Variants in MAPT observed in about 807,000 individuals in gnomAD.
MAPT encodes microtubule-associated protein tau.
In MAPT, 34 loss-of-function variants were observed where a neutral mutation model predicts 67.9. The ratio of observed to expected loss-of-function variants is 0.50; its 90% CI spans 0.38 to 0.67. The LOEUF (loss-of-function observed/expected upper bound fraction) is 0.67. MAPT is among the 30% of genes least tolerant of loss of function. The pLI is 0.00. For missense variants in MAPT, 881 were observed against 1,115.2 expected (o/e 0.79, Z 2.99); for synonymous variants, 456 against 464.5 (o/e 0.98, Z 0.23).
intron 1 of MAPT, among the ~76,000 whole-genome samples, chr17:45,949,871 A>G (rs1373033519): frequency 1.3e-5 from 2 of 152,182 alleles, no homozygotes; most frequent in East Asian, 1.9e-4. Context: ...TTGCAGCAAG[A>G]AACAGCCCCA....
At chr17:45,900,411 G>A (rs1203760479) in intron 1 of MAPT, among the ~76,000 whole-genome samples, 1 of 152,190 alleles carries the variant, frequency 6.6e-6, no homozygotes, top group East Asian at 1.9e-4. Flanking sequence ...GGGTTCTCCA[G>A]TTAGGAAACT....
intron 2 of MAPT, among the ~76,000 whole-genome samples, chr17:45,969,519 T>C (rs1259526154): frequency 6.7e-6 from 1 of 150,368 alleles, no homozygotes; most frequent in Non-Finnish European, 1.5e-5. Flanking sequence ...ATCATATATC[T>C]GTACATAATC....
At chr17:45,956,594 A>T (rs1321759086) in intron 1 of MAPT, among the ~76,000 whole-genome samples, 507 of 14,642 alleles carry the variant, frequency 0.035, 9 homozygotes, top group Middle Eastern at 0.071. Context: ...ATATATATAT[A>T]TATATATTTT....
Position 45,971,945 on chromosome 17 carries a change from G to A in MAPT, c.220G>A (p.Ala74Thr). The A allele has an allele frequency of 1.2e-6, 2 of 1,613,908 alleles. No homozygotes were observed. Among genetic ancestry groups the A allele is most frequent in the Non-Finnish European group, 1.7e-6 (2 of 1,179,862 alleles). ...SDAKSTPTAE[A>T]EEAGIGDTPS... ...TGCTAAGAGCACTCCAACAGCGGAAGGTGGGCCCCCCTTCAGACGCCCCCT... is the reference window on the plus strand; with the variant it reads ...TGCTAAGAGCACTCCAACAGCGGAAAGTGGGCCCCCCTTCAGACGCCCCCT... The change falls in exon 3 of 13, where the codon GCT (alanine) becomes ACT (threonine). Residue 74 changes from alanine (A) to threonine (T), a missense_variant and splice_region_variant. Coordinates refer to ENST00000262410, the MANE Select transcript of MAPT (RefSeq NM_001377265.1). The surrounding 1 kb of genome is among the most constrained non-coding windows in gnomAD (Gnocchi z 4.3).
chr17:46,005,919 T>C (rs2075377835), intron 9 of MAPT, among the ~76,000 whole-genome samples: 2 of 152,220 alleles, frequency 1.3e-5, no homozygotes, highest in Non-Finnish European at 2.9e-5. Context: ...CTCTGAGATC[T>C]AGATTCTTCT....
At chr17:45,907,386 C>T (rs1360665506) in intron 1 of MAPT, among the ~76,000 whole-genome samples, 3 of 152,210 alleles carry the variant, frequency 2.0e-5, no homozygotes, top group African/African-American at 7.2e-5. Context: ...CGCCGTGCTC[C>T]CCAGTGCCTC....
intron 1 of MAPT, among the ~76,000 whole-genome samples, chr17:45,945,044 G>A (rs1598083728): frequency 6.6e-6 from 1 of 152,182 alleles, no homozygotes; most frequent in East Asian, 1.9e-4. Context: ...GGAGCAAAGA[G>A]GGCCTATGTA....
At position 45,896,211 on chromosome 17, in the gene MAPT, T is replaced by G. The variant is rs1183373010; in HGVS notation, c.-18+1525T>G. 6.6e-6 allele frequency: 1 copy of G among 152,160 alleles called. No homozygotes were observed. The highest frequency in any genetic ancestry group is 1.5e-5 in the Non-Finnish European group (1 of 68,044). The allele number at this position is 152,160 out of a possible 1,614,324, so 9.4% of individuals were successfully genotyped here. A position where few individuals can be genotyped will look rare whatever the true frequency, so the allele number is the denominator to read the frequency against. ...CCGCGCGCAGCCTCGTCTCGGAGTC[T>G]GCCGGCGCCGGGAAGCTTCTGAAGG... On this transcript the variant is annotated intron_variant, in intron 1 of 12. Coordinates refer to ENST00000262410, the MANE Select transcript of MAPT (RefSeq NM_001377265.1). This position sits in a 1 kb window ranked among gnomAD's most constrained non-coding sequence, Gnocchi z 5.6.
At chr17:46,006,979 T>TA (rs1310892139) in intron 9 of MAPT, among the ~76,000 whole-genome samples, 1,298 of 113,294 alleles carry the variant, frequency 0.011, 17 homozygotes, top group African/African-American at 0.025. Context: ...TAAAATAAAA[T>TA]AAATAAAATA....
At chr17:45,997,363 A>G (rs1203959844) in intron 9 of MAPT, among the ~76,000 whole-genome samples, 1 of 152,104 alleles carries the variant, frequency 6.6e-6, no homozygotes, top group Non-Finnish European at 1.5e-5. Context: ...GGTTTCTTCC[A>G]AGGCCTCTCT....
rs2063334130 is a variant in MAPT at position 45,897,482 on chromosome 17, ACT to A, written c.-18+2799_-18+2800del. 3 of 151,666 alleles carry A rather than the reference ACT, an allele frequency of 2.0e-5. No individual in the cohort carries two copies. The highest frequency in any genetic ancestry group is 2.1e-4 in the South Asian group (1 of 4,788). The allele number at this position is 151,666 out of a possible 1,614,324, so 9.4% of individuals were successfully genotyped here. On this transcript the variant is annotated intron_variant, in intron 1 of 12. Transcript: ENST00000262410. The surrounding 1 kb of genome is among the most constrained non-coding windows in gnomAD (Gnocchi z 5.0). Reference sequence around the variant, plus strand: ...TCAGGGGGACGGTCCTTCGTAGGAAACTCTATCCTGGCTCTGCGCGCGCTTTA... The same window carrying A: ...TCAGGGGGACGGTCCTTCGTAGGAAACTATCCTGGCTCTGCGCGCGCTTTA...
chr17:45,938,576 G>T (rs2067568107), intron 1 of MAPT, among the ~76,000 whole-genome samples: 1 of 152,150 alleles, frequency 6.6e-6, no homozygotes, highest in Admixed American at 6.5e-5. Context: ...ATATTCACAG[G>T]TTCTGGGGAT....
At chr17:46,021,317 G>A (rs557703091) in intron 12 of MAPT, among the ~76,000 whole-genome samples, 5 of 152,334 alleles carry the variant, frequency 3.3e-5, no homozygotes, top group East Asian at 3.9e-4. Context: ...GAGGCTGTCC[G>A]CCTCAAGAGA....
intron 11 of MAPT, among the ~76,000 whole-genome samples, chr17:46,017,830 C>T (rs1002894506): frequency 1.3e-4 from 19 of 150,226 alleles, no homozygotes; most frequent in African/African-American, 3.9e-4. Flanking sequence ...TCATGGTTTA[C>T]AGGATGTTGA....
chr17:46,017,956 TA>T (rs2076290058), intron 11 of MAPT, among the ~76,000 whole-genome samples: 1 of 151,330 alleles, frequency 6.6e-6, no homozygotes, highest in African/African-American at 2.4e-5. Flanking sequence ...CCATCCTGGC[TA>T]ACACAGTGAA....
intron 2 of MAPT, among the ~76,000 whole-genome samples, chr17:45,968,221 C>T (rs1279551647): frequency 6.6e-6 from 1 of 152,130 alleles, no homozygotes; most frequent in Non-Finnish European, 1.5e-5. Flanking sequence ...AAAAAAAACC[C>T]CACCATTCTG....
chr17:45,930,924 G>T lies in MAPT; in HGVS notation c.-17-31397G>T, dbSNP rs117623883. Among the ~76,000 whole-genome samples, 203 of 152,290 alleles carry T rather than the reference G, an allele frequency of 1.3e-3. 3 individuals carry two copies. The highest frequency in any genetic ancestry group is 0.011 in the Admixed American group (173 of 15,288). On this transcript the variant is annotated intron_variant, in intron 1 of 12. Coordinates refer to ENST00000262410, the MANE Select transcript of MAPT (RefSeq NM_001377265.1). ...CCGGGGCTGAGTGGGGGCCAGACCTGCCAGGAGCACCATCTTCTGTGGGTC... is the reference window on the plus strand; with the variant it reads ...CCGGGGCTGAGTGGGGGCCAGACCTTCCAGGAGCACCATCTTCTGTGGGTC...
chr17:46,011,901 C>G (rs1177248605), intron 10 of MAPT, among the ~76,000 whole-genome samples: 1 of 152,182 alleles, frequency 6.6e-6, no homozygotes. Flanking sequence ...GCTTGCCCTG[C>G]GGCTGCTGCA....
rs745928592 is a variant in MAPT, at chr17:45,978,378, A to C, written c.224A>C (p.Glu75Ala). ...CATTTGCTGACACATACACCAGCTG[A>C]AGAAGCAGGCATTGGAGACACCCCC... The part of the protein sequence containing the change: ...DAKSTPTAEA[E>A]EAGIGDTPSL... Residue 75 changes from glutamate to alanine, a missense_variant, in exon 4 of 13, where the codon GAA becomes GCA. Physicochemically the swap from Glu to Ala is moderately radical, Grantham distance 107. Transcript: ENST00000262410. The C allele has an allele frequency of 7.4e-6, 12 of 1,613,534 alleles. No homozygotes were observed. The African/African-American group carries it at 1.5e-4, about 20-fold the overall frequency.
Sources: gnomAD v4.1 joint callset for allele counts (sites outside exome capture counted in the v4.1 genomes callset) on GRCh38, gnomAD v4.1.1 for gene constraint, Gnocchi (gnomAD v3.1) non-coding constraint, MANE v1.5 for transcripts, NCBI Gene and HGNC (gene_info 2026-07-23, HGNC 2026-07-21) for gene names.